Variants in ZNF559 observed in about 807,000 individuals in gnomAD.
ZNF559 encodes the protein putative protein product of Nbla00121.
A neutral mutation model predicts 14.2 loss-of-function variants in ZNF559; 17 were observed. That is an observed-to-expected ratio of 1.20 (90% CI 0.82 to 1.80). The LOEUF (loss-of-function observed/expected upper bound fraction) is 1.80, where lower values mean the gene tolerates loss of function less well. Ranked by LOEUF, ZNF559 falls within the 40% of genes most tolerant of loss-of-function variation. The pLI is 0.00. For missense variants in ZNF559, 740 were observed against 629.7 expected (o/e 1.18, Z -1.88); for synonymous variants, 244 against 212.4 (o/e 1.15, Z -1.29).
chr19:9,335,550 T>C (rs1180916492), intron 2 of ZNF559, among the ~76,000 whole-genome samples: 1 of 151,876 alleles, frequency 6.6e-6, no homozygotes, highest in Admixed American at 6.6e-5. Context: ...ATTTTCTTTT[T>C]TCTTCTTTTT....
At chr19:9,324,506 C>T (rs73920739) in intron 1 of ZNF559, 189 bp from the exon 2 acceptor site, 125,181 of 1,345,500 alleles carry the variant, frequency 0.093, 7,157 homozygotes, top group African/African-American at 0.27. Context: ...GCAGAAGCCT[C>T]ATAGGGCCCG....
chr19:9,327,794 A>C (rs754656349), intron 2 of ZNF559, among the ~76,000 whole-genome samples: 15 of 151,728 alleles, frequency 9.9e-5, no homozygotes, highest in Non-Finnish European at 7.4e-5. Flanking sequence ...AATTCCTGTC[A>C]TTCGTATTGA....
intron 2 of ZNF559, among the ~76,000 whole-genome samples, chr19:9,334,997 A>C (rs2067149368): frequency 6.6e-6 from 1 of 151,968 alleles, no homozygotes; most frequent in Non-Finnish European, 1.5e-5. Flanking sequence ...TTAGCCAGGC[A>C]TGGTGGTGGG....
chr19:9,324,399 A>C (rs888793339), intron 1 of ZNF559, 171 bp downstream of exon 1: 97 of 1,477,526 alleles, frequency 6.6e-5, no homozygotes, highest in Middle Eastern at 1.9e-4. Context: ...TGAGAGCCAC[A>C]GTCAGGTCTG....
intron 2 of ZNF559, 131 bp downstream of exon 2, chr19:9,324,911 T>A: frequency 2.7e-6 from 2 of 731,242 alleles, no homozygotes; most frequent in Non-Finnish European, 2.3e-6. Flanking sequence ...AATGCATGAG[T>A]GGATGAATGC....
rs1363468598 is a variant in ZNF559 at position 9,345,205 on chromosome 19, A to G, written c.*2137A>G. ...AGTATTCCATTGCAAGGCATACCAC[A>G]AGCTATTTATCCATGTGTTATTTCT... On this transcript the variant is annotated 3_prime_UTR_variant, in exon 7 of 7. Transcript: ENST00000603380. 6.6e-6 allele frequency: 1 copy of G among 152,210 alleles called. No individual in the cohort carries two copies. Among genetic ancestry groups the G allele is most frequent in the Non-Finnish European group, 1.5e-5 (1 of 68,042 alleles). The allele number at this position is 152,210 out of a possible 1,614,324, so 9.4% of individuals were successfully genotyped here. A position where few individuals can be genotyped will look rare whatever the true frequency, so the allele number is the denominator to read the frequency against.
At position 9,341,858 on chromosome 19, in the gene ZNF559, T is replaced by TA; in HGVS notation, c.408dup (p.His137ThrfsTer5). The TA allele has an allele frequency of 6.2e-7, 1 of 1,610,096 alleles. No homozygotes were observed. Among genetic ancestry groups the TA allele is most frequent in the Non-Finnish European group, 8.5e-7 (1 of 1,179,054 alleles). ...TTCAGAAAACCCTCTATCTTTACTT[T>TA]ACACAAGAAAACTGATATCGGAGAG... On this transcript the variant is annotated frameshift_variant, in exon 7 of 7. Transcript: ENST00000603380. LOFTEE classifies it low-confidence loss of function (END_TRUNC).
intron 2 of ZNF559, among the ~76,000 whole-genome samples, chr19:9,337,239 T>G (rs2067289299): frequency 6.6e-6 from 1 of 152,168 alleles, no homozygotes; most frequent in Non-Finnish European, 1.5e-5. Flanking sequence ...GCCAGAAGCC[T>G]CAGGCATACA....
chr19:9,326,893 A>G (rs1423538703), intron 2 of ZNF559, among the ~76,000 whole-genome samples: 4 of 152,238 alleles, frequency 2.6e-5, no homozygotes, highest in African/African-American at 7.2e-5. Flanking sequence ...AAACATACTT[A>G]AAAGTTTTTC....
At chr19:9,325,533 C>T (rs2066537505) in intron 2 of ZNF559, among the ~76,000 whole-genome samples, 1 of 152,102 alleles carries the variant, frequency 6.6e-6, no homozygotes, top group Non-Finnish European at 1.5e-5. Context: ...TGGCTCACGC[C>T]TGTAATCCCA....
Position 9,338,099 on chromosome 19 carries a change from TA to T in ZNF559, c.-57+243del, listed in dbSNP as rs1385369825. 17 of 1,246,030 alleles carry T rather than the reference TA, an allele frequency of 1.4e-5. No individual in the cohort carries two copies. The East Asian group carries it at 4.3e-4, about 32-fold the overall frequency. 77.2% of individuals were successfully genotyped at this position (1,246,030 alleles called of 1,614,324 possible). A position where few individuals can be genotyped will look rare whatever the true frequency, so the allele number is the denominator to read the frequency against. ...TGTCTTGTGATTAGGGTTTAGGGTCTAAGTGGCCCTGCTTTTGAGATACCTA... is the reference window on the plus strand; with the variant it reads ...TGTCTTGTGATTAGGGTTTAGGGTCTAGTGGCCCTGCTTTTGAGATACCTA... On this transcript the variant is annotated intron_variant, in intron 3 of 6. Transcript: ENST00000603380.
intron 5 of ZNF559, 121 bp downstream of exon 5, chr19:9,339,440 C>T (rs763100508): frequency 6.9e-6 from 8 of 1,157,548 alleles, no homozygotes; most frequent in African/African-American, 1.6e-5. Flanking sequence ...ACATTGTTTC[C>T]ATCTCATAGA....
chr19:9,341,616 G>A, intron 6 of ZNF559, 79 bp from the exon 7 acceptor site: 1 of 1,599,604 alleles, frequency 6.3e-7, no homozygotes, highest in Non-Finnish European at 8.5e-7. Flanking sequence ...ATGTGTAACA[G>A]AATTCAGAGT....
Position 9,343,854 on chromosome 19 carries a change from G to T in ZNF559, c.*786G>T. 1.0e-6 allele frequency: 1 copy of T among 962,530 alleles called. No individual in the cohort carries two copies. Among genetic ancestry groups the T allele is most frequent in the Non-Finnish European group, 1.2e-6 (1 of 809,164 alleles). The allele number at this position is 962,530 out of a possible 1,614,324, so 59.6% of individuals were successfully genotyped here. A position where few individuals can be genotyped will look rare whatever the true frequency, so the allele number is the denominator to read the frequency against. On this transcript the variant is annotated 3_prime_UTR_variant, in exon 7 of 7. Coordinates refer to ENST00000603380, the MANE Select transcript of ZNF559 (RefSeq NM_032497.3). The stretch of plus-strand genomic sequence containing the variant: ...TATCTAGCTGGTCTGAAGATCCTGA[G>T]TTATCTCAATTGTTCACGGTTACAG...
At chr19:9,338,639 G>A in intron 4 of ZNF559, 57 bp downstream of exon 4, 1 of 1,365,404 alleles carries the variant, frequency 7.3e-7, no homozygotes, top group Admixed American at 1.7e-5. Flanking sequence ...CCATGTAGAT[G>A]TGTTTTCTCC....
intron 2 of ZNF559, among the ~76,000 whole-genome samples, chr19:9,328,742 C>T (rs2066775482): frequency 6.6e-6 from 1 of 152,174 alleles, no homozygotes; most frequent in Non-Finnish European, 1.5e-5. Context: ...TCATCCGTAT[C>T]TGGGTGCAAA....
At chr19:9,334,237 GTCA>G (rs1210477601) in intron 2 of ZNF559, among the ~76,000 whole-genome samples, 18 of 152,314 alleles carry the variant, frequency 1.2e-4, no homozygotes, top group Non-Finnish European at 2.1e-4. Flanking sequence ...GGGACCAGAA[GTCA>G]TTTGGATTTC....
chr19:9,336,692 G>T (rs952351858), intron 2 of ZNF559, among the ~76,000 whole-genome samples: 4 of 152,146 alleles, frequency 2.6e-5, no homozygotes, highest in Middle Eastern at 3.2e-3. Context: ...ATAGTTGACT[G>T]CTCTATCCTA....
intron 2 of ZNF559, among the ~76,000 whole-genome samples, chr19:9,332,656 T>C (rs10401135): frequency 0.55 from 82,947 of 151,890 alleles, 22,828 homozygotes; most frequent in Middle Eastern, 0.62. Flanking sequence ...GTAACTGAGA[T>C]GTCTCAGAAT....
Sources: gnomAD v4.1 joint callset for allele counts (sites outside exome capture counted in the v4.1 genomes callset) on GRCh38, gnomAD v4.1.1 for gene constraint, MANE v1.5 for transcripts, NCBI Gene and HGNC (gene_info 2026-07-23, HGNC 2026-07-21) for gene names.